The following PTPRS variants were observed in gnomAD, a reference collection of about 807,000 sequenced individuals.
The protein encoded by PTPRS is receptor-type tyrosine-protein phosphatase S.
PTPRS carries 63 observed loss-of-function variants against 215.3 expected under a neutral mutation model. That is an observed-to-expected ratio of 0.29 (90% CI 0.24 to 0.36). The LOEUF (loss-of-function observed/expected upper bound fraction) is 0.36, where lower values mean the gene tolerates loss of function less well. PTPRS is among the 10% of genes least tolerant of loss of function. The pLI, the probability that PTPRS is intolerant of heterozygous loss-of-function variation, is 1.00. For synonymous variants in PTPRS, 1,404 were observed against 1,191.4 expected (o/e 1.18, Z -3.68); for missense variants, 2,258 against 2,825.8 (o/e 0.80, Z 4.56).
chr19:5,267,472 C>T (rs1422706497), intron 4 of PTPRS, among the ~76,000 whole-genome samples: 2 of 152,076 alleles, frequency 1.3e-5, no homozygotes, highest in Non-Finnish European at 2.9e-5. Context: ...GCCTGGCCAA[C>T]ATGGTGAAAC....
At chr19:5,325,989 G>A (rs34637086) in intron 1 of PTPRS, among the ~76,000 whole-genome samples, 5 of 152,162 alleles carry the variant, frequency 3.3e-5, no homozygotes, top group Middle Eastern at 3.2e-3. Flanking sequence ...CCAGCACCTG[G>A]GGAGGCTGGG....
intron 4 of PTPRS, among the ~76,000 whole-genome samples, chr19:5,267,469 C>G (rs1262042886): frequency 1.1e-4 from 16 of 151,930 alleles, no homozygotes; most frequent in Admixed American, 3.9e-4. Flanking sequence ...CCAGCCTGGC[C>G]AACATGGTGA....
intron 9 of PTPRS, among the ~76,000 whole-genome samples, chr19:5,247,683 G>A (rs553953508): frequency 2.6e-5 from 4 of 152,140 alleles, no homozygotes; most frequent in African/African-American, 9.6e-5. Context: ...TGCAGCCTCA[G>A]GGGGTGGTCT....
chr19:5,327,662 A>G (rs2050205780), intron 1 of PTPRS, among the ~76,000 whole-genome samples: 1 of 152,124 alleles, frequency 6.6e-6, no homozygotes, highest in African/African-American at 2.4e-5. Context: ...GCAATGGGGC[A>G]TGATCATAGC....
In PTPRS at chr19:5,206,503, C is replaced by A; in HGVS notation, c.*271G>T. 2.7e-6 allele frequency: 1 copy of A among 374,884 alleles called. No individual in the cohort carries two copies. Among genetic ancestry groups the A allele is most frequent in the Non-Finnish European group, 5.0e-6 (1 of 199,888 alleles). The allele number at this position is 374,884 out of a possible 1,614,324, so 23.2% of individuals were successfully genotyped here. A position where few individuals can be genotyped will look rare whatever the true frequency, so the allele number is the denominator to read the frequency against. On this transcript the variant is annotated 3_prime_UTR_variant, in exon 38 of 38. Transcript: ENST00000262963. ...ATTTGCTCACCATCCCCCCACCCCCCACCCCGGAATCTGGTTTTGGAATTG... is the reference window on the plus strand; with the variant it reads ...ATTTGCTCACCATCCCCCCACCCCCAACCCCGGAATCTGGTTTTGGAATTG...
chr19:5,228,941 G>T (rs2042758383), intron 16 of PTPRS, among the ~76,000 whole-genome samples: 1 of 152,230 alleles, frequency 6.6e-6, no homozygotes, highest in South Asian at 2.1e-4. Context: ...AAAGGGTGGG[G>T]CTGGGTCAAC....
chr19:5,339,460 T>C lies in PTPRS; in HGVS notation c.-95+1204A>G, dbSNP rs912072324. The stretch of plus-strand genomic sequence containing the variant: ...GGCTGAAAAAAAGATTCCCAGTTTG[T>C]GGGAAAGGTTCCCTGATTTGAGGAT... On this transcript the variant is annotated intron_variant, in intron 1 of 37. Transcript: ENST00000262963. The surrounding 1 kb of genome is among the most constrained non-coding windows in gnomAD (Gnocchi z 4.2). Among the ~76,000 whole-genome samples the C allele has an allele frequency of 6.8e-6, 1 of 146,708 alleles. No homozygotes were observed. The highest frequency in any genetic ancestry group is 2.6e-5 in the African/African-American group (1 of 39,214).
intron 1 of PTPRS, among the ~76,000 whole-genome samples, chr19:5,312,113 A>G (rs1471927150): frequency 6.6e-6 from 1 of 151,838 alleles, no homozygotes; most frequent in Non-Finnish European, 1.5e-5. Context: ...CTGTGTGTGA[A>G]CGAGCCCTGC....
At chr19:5,333,106 G>A (rs986827101) in intron 1 of PTPRS, among the ~76,000 whole-genome samples, 4 of 151,950 alleles carry the variant, frequency 2.6e-5, no homozygotes, top group Non-Finnish European at 5.9e-5. Flanking sequence ...CTGAGATCAC[G>A]CCGTTGCACT....
At chr19:5,316,682 C>T (rs755987639) in intron 1 of PTPRS, among the ~76,000 whole-genome samples, 3 of 152,200 alleles carry the variant, frequency 2.0e-5, no homozygotes, top group Non-Finnish European at 2.9e-5. Context: ...CATGAGCCAC[C>T]GCGCCTGGCC....
chr19:5,206,904 A>G (rs2040410118), intron 37 of PTPRS, 62 bp from the exon 38 acceptor site: 2 of 1,516,120 alleles, frequency 1.3e-6, no homozygotes, highest in East Asian at 2.3e-5. Context: ...AGGGCTCCCT[A>G]TCGCCCTCAG....
At chr19:5,330,115 C>T (rs969019079) in intron 1 of PTPRS, among the ~76,000 whole-genome samples, 37 of 151,492 alleles carry the variant, frequency 2.4e-4, no homozygotes, top group Admixed American at 1.4e-3. Flanking sequence ...AATTTCCAGA[C>T]GGCATCAACA....
At chr19:5,261,166 C>T (rs994724774) in intron 6 of PTPRS, among the ~76,000 whole-genome samples, 10 of 152,102 alleles carry the variant, frequency 6.6e-5, no homozygotes, top group African/African-American at 2.2e-4. Flanking sequence ...CCTTTGGTGG[C>T]CTTCCCTCTG....
At chr19:5,238,312 G>T (rs896477788) in intron 13 of PTPRS, among the ~76,000 whole-genome samples, 4 of 152,174 alleles carry the variant, frequency 2.6e-5, no homozygotes, top group African/African-American at 9.7e-5. Context: ...GAACTCCAGA[G>T]ATTTGAGCCC....
At chr19:5,265,304 C>A (rs2046319789) in intron 4 of PTPRS, 108 bp from the exon 5 acceptor site, 1 of 1,023,500 alleles carries the variant, frequency 9.8e-7, no homozygotes. Context: ...TCCTCCCTGG[C>A]TGCGTGACCT....
In PTPRS at chr19:5,220,106, G is replaced by A. The variant is rs1390942862; in HGVS notation, c.3598C>T (p.Arg1200Cys). 5.0e-6 allele frequency: 8 copies of A among 1,613,372 alleles called. No homozygotes were observed. The highest frequency in any genetic ancestry group is 5.9e-6 in the Non-Finnish European group (7 of 1,179,958). ...TAGGGCCGGGGCACCTCCAGCTGAC[G>A]CGAGTGCCGCAGGCTGCGCCTCTGT... ...RLQRRSLRHS[R>C]QLEVPRPYIA... The change falls in exon 22 of 38, where the codon CGT becomes TGT. Residue 1200 changes from arginine to cysteine, a missense_variant. Physicochemically the swap from Arg to Cys is radical, Grantham distance 180. This residue lies in a region of PTPRS where 927 missense variants were observed against 1,125.9 expected (regional missense o/e 0.82). Transcript: ENST00000262963.
At position 5,222,888 on chromosome 19, in the gene PTPRS, G is replaced by A. The variant is rs371558311; in HGVS notation, c.2904C>T (p.Ala968=). Residue 968 remains alanine (A), a synonymous_variant, in exon 18 of 38, where the codon GCC becomes GCT. Transcript: ENST00000262963. ...GGCCCAGGGCACCGGCCTCCCGCAC[G>A]GCCACCGTGTATTTGACGATGGCCC... ...RNGAIVKYTV[A]VREAGALGPA... 5.6e-5 allele frequency: 88 copies of A among 1,574,170 alleles called. 1 individual carries two copies. Among genetic ancestry groups the A allele is most frequent in the Admixed American group, 4.0e-4 (23 of 56,924 alleles).
At chr19:5,215,154 C>G in intron 28 of PTPRS, 135 bp downstream of exon 28, 1 of 1,154,184 alleles carries the variant, frequency 8.7e-7, no homozygotes, top group Non-Finnish European at 1.2e-6. Flanking sequence ...TCTAAAGATG[C>G]CCAGTGGCCT....
At chr19:5,241,448 T>TA (rs1167559716) in intron 11 of PTPRS, among the ~76,000 whole-genome samples, 1 of 151,450 alleles carries the variant, frequency 6.6e-6, no homozygotes, top group East Asian at 2.0e-4. Context: ...CACACTCAGC[T>TA]AATTTTAAAA....
Sources: gnomAD v4.1 joint callset for allele counts (sites outside exome capture counted in the v4.1 genomes callset) on GRCh38, gnomAD v4.1.1 for gene constraint, gnomAD v4.1.1 regional missense constraint, Gnocchi (gnomAD v3.1) non-coding constraint, MANE v1.5 for transcripts, NCBI Gene and HGNC (gene_info 2026-07-23, HGNC 2026-07-21) for gene names.